The following TRIP12 variants were observed in gnomAD, a reference collection of about 807,000 sequenced individuals.
TRIP12 encodes E3 ubiquitin-protein ligase TRIP12.
A neutral mutation model predicts 244.2 loss-of-function variants in TRIP12; 25 were observed. The observed-to-expected ratio is 0.10, with a 90% CI of 0.07 to 0.14. The LOEUF (loss-of-function observed/expected upper bound fraction) is 0.14. Among genes scored for constraint, TRIP12 ranks in the 10% least tolerant of loss-of-function variants. The pLI is 1.00. For synonymous variants in TRIP12, 905 were observed against 873.1 expected (o/e 1.04, Z -0.64); for missense variants, 1,677 against 2,486.4 (o/e 0.67, Z 6.92).
At chr2:229,877,997 G>T (rs1366592202) in intron 2 of TRIP12, among the ~76,000 whole-genome samples, 1 of 152,170 alleles carries the variant, frequency 6.6e-6, no homozygotes. Flanking sequence ...TCAGAACAGA[G>T]CTCTATATAC....
Position 229,785,379 on chromosome 2 carries a change from C to G in TRIP12, c.5094+378G>C, listed in dbSNP as rs140376884. On this transcript the variant is annotated intron_variant, in intron 34 of 41. Coordinates refer to ENST00000675903, the MANE Select transcript of TRIP12 (RefSeq NM_001348323.3). Reference sequence around the variant, plus strand: ...CTTTATCTTGACGTGAAAGTGGTAACAAATTGCATCTGTCAACCCTTAAAA... The same window carrying G: ...CTTTATCTTGACGTGAAAGTGGTAAGAAATTGCATCTGTCAACCCTTAAAA... Among the ~76,000 whole-genome samples, 54 of 152,254 alleles carry G rather than the reference C, an allele frequency of 3.5e-4. No individual in the cohort carries two copies. The East Asian group carries it at 8.3e-3, about 23-fold the overall frequency.
intron 21 of TRIP12, 138 bp from the exon 22 acceptor site, chr2:229,799,521 A>T (rs2043683843): frequency 1.4e-6 from 1 of 710,884 alleles, no homozygotes; most frequent in African/African-American, 1.8e-5. Context: ...TCACGCCTGT[A>T]ATCCCAGCAC....
rs373990630 is a variant in TRIP12, at chr2:229,859,549, T to A, written c.250A>T (p.Ile84Leu). 3.1e-6 allele frequency: 5 copies of A among 1,613,598 alleles called. No individual in the cohort carries two copies. Among genetic ancestry groups the A allele is most frequent in the Non-Finnish European group, 4.2e-6 (5 of 1,179,694 alleles). ...TCTGGATCCTCTGGTTGTGGAACTATCACAGCAGATGATGAACTGCAGCTT... is the reference window on the plus strand; with the variant it reads ...TCTGGATCCTCTGGTTGTGGAACTAACACAGCAGATGATGAACTGCAGCTT... The part of the protein sequence containing the change: ...KRSCSSSSAV[I>L]VPQPEDPDRA... The change falls in exon 4 of 42, where the codon ATA (isoleucine) becomes TTA (leucine). Residue 84 changes from isoleucine (I) to leucine (L), a missense_variant. This residue lies in a region of TRIP12 where 387 missense variants were observed against 392.6 expected (regional missense o/e 0.99). Coordinates refer to ENST00000675903, the MANE Select transcript of TRIP12 (RefSeq NM_001348323.3).
chr2:229,808,749 C>G (rs1437973965), intron 15 of TRIP12, among the ~76,000 whole-genome samples: 1 of 152,186 alleles, frequency 6.6e-6, no homozygotes, highest in East Asian at 1.9e-4. Context: ...TTCAAATATA[C>G]TGAAAATATG....
chr2:229,812,970 TA>T (rs1176318469), intron 13 of TRIP12, among the ~76,000 whole-genome samples: 3 of 151,618 alleles, frequency 2.0e-5, no homozygotes, highest in African/African-American at 2.4e-5. Flanking sequence ...TCTCTGTAGC[TA>T]AAAAAAAATT....
At chr2:229,812,262 G>A (rs2047446321) in intron 13 of TRIP12, among the ~76,000 whole-genome samples, 1 of 151,890 alleles carries the variant, frequency 6.6e-6, no homozygotes, top group African/African-American at 2.4e-5. Flanking sequence ...TTTATTTTTA[G>A]TACAGATGGG....
intron 1 of TRIP12, among the ~76,000 whole-genome samples, chr2:229,904,903 A>G (rs2072243440): frequency 6.6e-6 from 1 of 152,208 alleles, no homozygotes; most frequent in Non-Finnish European, 1.5e-5. Flanking sequence ...AAATTTTCAC[A>G]AACAGAAACT....
chr2:229,768,759 T>C (rs1296206986), intron 40 of TRIP12, 40 bp from the exon 41 acceptor site: 1 of 1,559,280 alleles, frequency 6.4e-7, no homozygotes, highest in Admixed American at 2.1e-5. Context: ...TTTCATCAGG[T>C]TAAAATAGAG....
At chr2:229,890,223 G>A (rs766568236) in intron 1 of TRIP12, among the ~76,000 whole-genome samples, 6 of 151,962 alleles carry the variant, frequency 3.9e-5, no homozygotes, top group Non-Finnish European at 8.8e-5. Context: ...GGGACTACAG[G>A]CACGCACCAC....
intron 39 of TRIP12, among the ~76,000 whole-genome samples, chr2:229,770,894 T>C (rs2034046384): frequency 6.6e-6 from 1 of 152,198 alleles, no homozygotes; most frequent in South Asian, 2.1e-4. Flanking sequence ...ACCATGATTG[T>C]GAGGCCTCCC....
intron 1 of TRIP12, among the ~76,000 whole-genome samples, chr2:229,895,678 TAA>T (rs753625477): frequency 1.5e-4 from 22 of 151,008 alleles, no homozygotes; most frequent in Non-Finnish European, 3.2e-4. Context: ...AATTCATATA[TAA>T]GTTTAATAAA....
intron 24 of TRIP12, 67 bp downstream of exon 24, chr2:229,797,623 G>A: frequency 6.3e-7 from 1 of 1,579,224 alleles, no homozygotes; most frequent in Non-Finnish European, 8.6e-7. Flanking sequence ...AGTCATGAAG[G>A]AAAAGAGTAG....
chr2:229,858,684 A>T (rs2060021349), intron 4 of TRIP12, 88 bp downstream of exon 4: 1 of 1,205,006 alleles, frequency 8.3e-7, no homozygotes, highest in East Asian at 2.5e-5. Flanking sequence ...CTGGGGGGAA[A>T]AAACCCTTAA....
chr2:229,886,980 T>G (rs539973195), intron 1 of TRIP12, among the ~76,000 whole-genome samples: 2 of 152,156 alleles, frequency 1.3e-5, no homozygotes, highest in African/African-American at 4.8e-5. Flanking sequence ...TGACACACAG[T>G]AAGTTAAAAT....
chr2:229,818,611 G>A (rs983072217), intron 8 of TRIP12, 99 bp from the exon 9 acceptor site: 3 of 1,118,978 alleles, frequency 2.7e-6, no homozygotes, highest in African/African-American at 3.1e-5. Flanking sequence ...TATCTTCTTT[G>A]CATCCTAATG....
intron 7 of TRIP12, among the ~76,000 whole-genome samples, chr2:229,830,521 TAAAC>T (rs1309244721): frequency 1.3e-5 from 2 of 152,216 alleles, no homozygotes; most frequent in African/African-American, 4.8e-5. Context: ...TTAAAAATTT[TAAAC>T]AAAAATAAAT....
chr2:229,879,516 A>G (rs1292811318), intron 2 of TRIP12, among the ~76,000 whole-genome samples: 3 of 152,268 alleles, frequency 2.0e-5, no homozygotes, highest in Non-Finnish European at 2.9e-5. Flanking sequence ...ACAAAGTCAG[A>G]GTGCCTCACT....
At chr2:229,830,353 C>CCCACATT (rs1253129564) in intron 7 of TRIP12, among the ~76,000 whole-genome samples, 1 of 152,172 alleles carries the variant, frequency 6.6e-6, no homozygotes, top group Non-Finnish European at 1.5e-5. Flanking sequence ...ATAAATAACT[C>CCCACATT]CCACATTCTT....
Position 229,808,324 on chromosome 2 carries a change from C to T in TRIP12, c.2267G>A (p.Gly756Glu), listed in dbSNP as rs956253648. 2.0e-5 allele frequency: 32 copies of T among 1,613,644 alleles called. No homozygotes were observed. The highest frequency in any genetic ancestry group is 2.7e-5 in the Non-Finnish European group (32 of 1,180,016). Residue 756 changes from glycine to glutamate, a missense_variant, in exon 16 of 42, where the codon GGA becomes GAA. Gly to Glu is a moderately conservative substitution (Grantham distance 98). Around this residue, in one of 11 missense-constraint regions of TRIP12, gnomAD observed 572 missense variants for 867.8 expected, o/e 0.66. Coordinates refer to ENST00000675903, the MANE Select transcript of TRIP12 (RefSeq NM_001348323.3). ...LHFLLCGASNGSCQEQIDLVP... is the reference protein window; with the variant it reads ...LHFLLCGASNESCQEQIDLVP... ...AAGATCAATCTGTTCCTGACAACTTCCATTGGAGGCACCACACAGGAGAAA... is the reference window on the plus strand; with the variant it reads ...AAGATCAATCTGTTCCTGACAACTTTCATTGGAGGCACCACACAGGAGAAA...
Sources: allele counts gnomAD v4.1 joint callset (sites outside exome capture counted in the v4.1 genomes callset), GRCh38; gene constraint gnomAD v4.1.1; regional missense constraint gnomAD v4.1.1; transcripts MANE v1.5; gene names NCBI Gene and HGNC (gene_info 2026-07-23, HGNC 2026-07-21).